The following C2CD5 variants were observed in gnomAD, a reference collection of about 807,000 sequenced individuals.
C2CD5 encodes C2 domain-containing protein 5.
In C2CD5, 109 loss-of-function variants were observed where a neutral mutation model predicts 130.3. The ratio of observed to expected loss-of-function variants is 0.84; its 90% CI spans 0.72 to 0.98. The LOEUF (loss-of-function observed/expected upper bound fraction) is 0.98. Ranked by LOEUF, C2CD5 falls within the 50% of genes least tolerant of loss-of-function variation. The probability of loss-of-function intolerance (pLI) is 0.00; values close to 1 mark genes in which losing one functional copy is unlikely to be tolerated. For synonymous variants in C2CD5, 454 were observed against 429.2 expected (o/e 1.06, Z -0.71); for missense variants, 996 against 1,261.8 (o/e 0.79, Z 3.19).
chr12:22,516,516 T>A (rs1256843700), intron 8 of C2CD5, among the ~76,000 whole-genome samples: 1 of 151,356 alleles, frequency 6.6e-6, no homozygotes, highest in Non-Finnish European at 1.5e-5. Flanking sequence ...TCATTGATAT[T>A]TATTCCTTGA....
intron 12 of C2CD5, among the ~76,000 whole-genome samples, chr12:22,487,919 G>A (rs1169713763): frequency 1.4e-4 from 22 of 151,916 alleles, no homozygotes; most frequent in African/African-American, 1.7e-4. Flanking sequence ...GGATGAAGCT[G>A]GAAACCATCA....
intron 3 of C2CD5, among the ~76,000 whole-genome samples, chr12:22,531,832 C>T (rs7311953): frequency 0.98 from 148,879 of 152,292 alleles, 72,856 homozygotes; most frequent in Middle Eastern, 1. Flanking sequence ...AGTCTACAGA[C>T]GAGGTACACC....
chr12:22,512,084 C>T (rs1483481913), intron 9 of C2CD5, among the ~76,000 whole-genome samples: 1 of 152,034 alleles, frequency 6.6e-6, no homozygotes, highest in Non-Finnish European at 1.5e-5. Flanking sequence ...CTGCAAGGTG[C>T]GAGAGTAGTT....
rs150841468 is a variant in C2CD5 at position 22,478,320 on chromosome 12, T to C, written c.1895A>G (p.Asn632Ser). The change falls in exon 15 of 27, where the codon AAT becomes AGT. Residue 632 changes from asparagine to serine, a missense_variant. By Grantham distance (46) the Asn-to-Ser change is conservative. Transcript: ENST00000446597. Reference sequence around the variant, plus strand: ...TAGGTTTGTTTTACTTACTGGAGGATTGATTTCATATAACTCTTTGTTTTT... The same window carrying C: ...TAGGTTTGTTTTACTTACTGGAGGACTGATTTCATATAACTCTTTGTTTTT... ...IAKNKELYEI[N>S]PPEISEEIIG... 57 of 1,610,078 alleles carry C rather than the reference T, an allele frequency of 3.5e-5. No individual in the cohort carries two copies. In the Middle Eastern group the frequency reaches 5.0e-4, roughly 14 times the overall value.
intron 9 of C2CD5, among the ~76,000 whole-genome samples, chr12:22,510,266 T>C (rs74893733): frequency 0.05 from 7,574 of 152,014 alleles, 641 homozygotes; most frequent in African/African-American, 0.17. Flanking sequence ...CCGCTTTCAA[T>C]GTCTAGATGT....
chr12:22,459,380 G>C, intron 23 of C2CD5, 112 bp downstream of exon 23: 1 of 506,480 alleles, frequency 2.0e-6, no homozygotes, highest in East Asian at 3.3e-5. Context: ...GCCAGATTTT[G>C]GTGTCTATTC....
intron 4 of C2CD5, 60 bp downstream of exon 4, chr12:22,527,661 T>C (rs1164204813): frequency 1.9e-6 from 2 of 1,039,694 alleles, no homozygotes; most frequent in African/African-American, 3.3e-5. Context: ...ACAAATGTCT[T>C]TAAGGACAAA....
chr12:22,455,762 G>GCAA (rs1939719670), intron 25 of C2CD5, among the ~76,000 whole-genome samples: 2 of 152,120 alleles, frequency 1.3e-5, no homozygotes, highest in Admixed American at 6.5e-5. Flanking sequence ...TCGGCTCACT[G>GCAA]CAACCTCCAC....
In C2CD5 at chr12:22,543,678, T is replaced by C. The variant is rs544114617; in HGVS notation, c.90+383A>G. Among the ~76,000 whole-genome samples the C allele has an allele frequency of 1.3e-4, 20 of 152,040 alleles. No individual in the cohort carries two copies. In the South Asian group the frequency reaches 3.7e-3, roughly 28 times the overall value. On this transcript the variant is annotated intron_variant, in intron 2 of 26. Transcript: ENST00000446597. ...TCCTGAGTGGCAGGTGGCCTGTTAA[T>C]GAGTCCTGACATCAGAGTCATTCCG...
Position 22,524,457 on chromosome 12 carries a change from A to AT in C2CD5, c.601+14dup, listed in dbSNP as rs764318583. ...TACTAAATCAGTCAGTAATAAAGTT[A>AT]TTTTTTTTAAATACCTGACATTAAC... On this transcript the variant is annotated intron_variant, in intron 6 of 26. Transcript: ENST00000446597. 40 of 1,608,170 alleles carry AT rather than the reference A, an allele frequency of 2.5e-5. No individual in the cohort carries two copies. The highest frequency in any genetic ancestry group is 1.8e-4 in the South Asian group (16 of 90,514).
chr12:22,537,768 A>C (rs2137279876), intron 2 of C2CD5, among the ~76,000 whole-genome samples: 1 of 152,352 alleles, frequency 6.6e-6, no homozygotes, highest in East Asian at 1.9e-4. Flanking sequence ...CACATAGGAA[A>C]TATTCATTAA....
In C2CD5 at chr12:22,517,861, G is replaced by A. The variant is rs527756272; in HGVS notation, c.952+125C>T. 9.0e-5 allele frequency: 61 copies of A among 677,254 alleles called. No homozygotes were observed. The South Asian group carries it at 1.2e-3, about 13-fold the overall frequency. The allele number at this position is 677,254 out of a possible 1,614,324, so 42.0% of individuals were successfully genotyped here. A position where few individuals can be genotyped will look rare whatever the true frequency, so the allele number is the denominator to read the frequency against. ...TAATTGCAGTAACTGAAAATGGTCAGTATTCACATTTTCTTTTTAACTTAA... is the reference window on the plus strand; with the variant it reads ...TAATTGCAGTAACTGAAAATGGTCAATATTCACATTTTCTTTTTAACTTAA... On this transcript the variant is annotated intron_variant, in intron 8 of 26. Coordinates refer to ENST00000446597, the MANE Select transcript of C2CD5 (RefSeq NM_001286176.2).
chr12:22,473,635 T>C (rs1253722041), intron 16 of C2CD5, among the ~76,000 whole-genome samples: 1 of 152,142 alleles, frequency 6.6e-6, no homozygotes, highest in Non-Finnish European at 1.5e-5. Flanking sequence ...GACTTATCAA[T>C]AATGCCCTAG....
chr12:22,459,529 A>G lies in C2CD5; in HGVS notation c.2547T>C (p.Ser849=), dbSNP rs1267645349. The G allele has an allele frequency of 6.5e-7, 1 of 1,531,048 alleles. No homozygotes were observed. The highest frequency in any genetic ancestry group is 1.4e-5 in the African/African-American group (1 of 72,948). The allele number at this position is 1,531,048 out of a possible 1,614,324, so 94.8% of individuals were successfully genotyped here. The part of the protein sequence containing the change: ...PFPPAKEHLE[S]ASSNSGIPAA... ...CTGGTATACCTGAGTTAGAACTTGC[A>G]CTCTCCAGGTGTTCTAATAAGACAA... Residue 849 remains serine (S), a synonymous_variant, in exon 23 of 27, where the codon AGT becomes AGC. Coordinates refer to ENST00000446597, the MANE Select transcript of C2CD5 (RefSeq NM_001286176.2).
At chr12:22,535,487 A>G (rs1951733673) in intron 2 of C2CD5, 143 bp from the exon 3 acceptor site, 1 of 599,290 alleles carries the variant, frequency 1.7e-6, no homozygotes, top group Admixed American at 3.0e-5. Context: ...AAGAAGGTAC[A>G]GATGGATCCA....
intron 10 of C2CD5, among the ~76,000 whole-genome samples, chr12:22,494,974 C>T (rs572412209): frequency 5.9e-5 from 9 of 152,100 alleles, no homozygotes; most frequent in African/African-American, 2.2e-4. Flanking sequence ...GAGAATTTTT[C>T]TATCATAAGA....
chr12:22,542,165 C>T (rs184666415), intron 2 of C2CD5, among the ~76,000 whole-genome samples: 7 of 152,352 alleles, frequency 4.6e-5, no homozygotes, highest in Non-Finnish European at 1.0e-4. Flanking sequence ...TCTGTCTAGT[C>T]CATCAATAGC....
intron 12 of C2CD5, among the ~76,000 whole-genome samples, chr12:22,485,385 C>T (rs1003249674): frequency 4.0e-5 from 6 of 151,554 alleles, no homozygotes; most frequent in Non-Finnish European, 7.4e-5. Flanking sequence ...TAAGACCTAG[C>T]GTTTGATAGC....
At position 22,527,982 on chromosome 12, in the gene C2CD5, C is replaced by T. The variant is rs980135006; in HGVS notation, c.178-90G>A. ...CCTATATCAAATGAAAAGGATGACA[C>T]ATCTGCAAATAAAATCTTACAGATT... On this transcript the variant is annotated intron_variant, in intron 3 of 26. Transcript: ENST00000446597. 15 of 644,826 alleles carry T rather than the reference C, an allele frequency of 2.3e-5. No individual in the cohort carries two copies. The African/African-American group carries it at 2.7e-4, about 11-fold the overall frequency. 39.9% of individuals were successfully genotyped at this position (644,826 alleles called of 1,614,324 possible).
Sources: gnomAD v4.1 joint callset for allele counts (sites outside exome capture counted in the v4.1 genomes callset) on GRCh38, gnomAD v4.1.1 for gene constraint, MANE v1.5 for transcripts, NCBI Gene and HGNC (gene_info 2026-07-23, HGNC 2026-07-21) for gene names.